The following RANGAP1 variants were observed in gnomAD, a reference collection of about 807,000 sequenced individuals.
RANGAP1 encodes the protein Ran GTPase activating protein 1, also known as ran GTPase-activating protein 1.
In RANGAP1, 38 loss-of-function variants were observed where a neutral mutation model predicts 63.5. That is an observed-to-expected ratio of 0.60 (90% CI 0.46 to 0.78). The LOEUF is 0.78. Among genes scored for constraint, RANGAP1 ranks in the 30% least tolerant of loss-of-function variants. The pLI is 0.00. For synonymous variants in RANGAP1, 329 were observed against 310.5 expected (o/e 1.06, Z -0.63); for missense variants, 630 against 740.3 (o/e 0.85, Z 1.73).
Position 41,281,052 on chromosome 22 carries a change from A to G in RANGAP1, c.-8T>C, listed in dbSNP as rs933933418. The G allele has an allele frequency of 6.3e-7, 1 of 1,587,014 alleles. No homozygotes were observed. Among genetic ancestry groups the G allele is most frequent in the African/African-American group, 1.3e-5 (1 of 74,360 alleles). Reference sequence around the variant, plus strand: ...AATGTCTTCCGAGGCCATGTTGACTAGGCTGGTGGGCTCCCCTGGAGATCT... The same window carrying G: ...AATGTCTTCCGAGGCCATGTTGACTGGGCTGGTGGGCTCCCCTGGAGATCT... On this transcript the variant is annotated 5_prime_UTR_variant, in exon 2 of 16. Coordinates refer to ENST00000356244, the MANE Select transcript of RANGAP1 (RefSeq NM_002883.4).
rs1224947788 is a variant in RANGAP1, at chr22:41,258,002, G to C, written c.720C>G (p.Val240=). The change falls in exon 7 of 16, where the codon GTC becomes GTG. Residue 240 remains valine, a synonymous_variant. Coordinates refer to ENST00000356244, the MANE Select transcript of RANGAP1 (RefSeq NM_002883.4). Reference sequence around the variant, plus strand: ...TGAAGGTGTTGTCATTCAGGTTGATGACCCGCAGCAGGGGGTTGACAGCGA... The same window carrying C: ...TGAAGGTGTTGTCATTCAGGTTGATCACCCGCAGCAGGGGGTTGACAGCGA... ...QAFAVNPLLR[V]INLNDNTFTE... The C allele has an allele frequency of 3.7e-6, 6 of 1,613,234 alleles. No homozygotes were observed. Among genetic ancestry groups the C allele is most frequent in the Non-Finnish European group, 5.1e-6 (6 of 1,179,546 alleles).
chr22:41,293,834 C>A, the RANGAP1 span, among the ~76,000 whole-genome samples: 5 of 149,976 alleles, frequency 3.3e-5, no homozygotes, highest in Non-Finnish European at 7.4e-5. Context: ...TCCTTTTTCT[C>A]TTTTGGTGGA....
intron 2 of RANGAP1, among the ~76,000 whole-genome samples, chr22:41,278,519 T>C (rs2035292392): frequency 6.6e-6 from 1 of 152,242 alleles, no homozygotes; most frequent in South Asian, 2.1e-4. Context: ...TCTGACACGG[T>C]GTTCAATAAA....
At chr22:41,264,410 C>G (rs951950231) in intron 5 of RANGAP1, among the ~76,000 whole-genome samples, 2 of 152,256 alleles carry the variant, frequency 1.3e-5, no homozygotes, top group Non-Finnish European at 2.9e-5. Context: ...GCAGAGCCAG[C>G]AGGCTGGAGC....
chr22:41,292,555 T>C, the RANGAP1 span, among the ~76,000 whole-genome samples: 1 of 151,590 alleles, frequency 6.6e-6, no homozygotes, highest in African/African-American at 2.4e-5. Context: ...GCTCAGGATT[T>C]TGAGACCCGC....
chr22:41,258,590 G>A (rs1040565806), intron 6 of RANGAP1, among the ~76,000 whole-genome samples: 3 of 152,194 alleles, frequency 2.0e-5, no homozygotes, highest in Admixed American at 1.3e-4. Context: ...GGCCCATGCA[G>A]CCCTATCACA....
the RANGAP1 span, among the ~76,000 whole-genome samples, chr22:41,299,997 C>T: frequency 1.3e-5 from 2 of 151,654 alleles, no homozygotes; most frequent in Non-Finnish European, 2.9e-5. Flanking sequence ...ATGATCCGCC[C>T]GCCTCAACCT....
At chr22:41,277,584 C>A in intron 2 of RANGAP1, 1 of 1,017,212 alleles carries the variant, frequency 9.8e-7, no homozygotes. Flanking sequence ...ACCTTCTGGT[C>A]AAGAAGGGTC....
the RANGAP1 span, among the ~76,000 whole-genome samples, chr22:41,297,811 C>CTCCAGAG: frequency 6.6e-6 from 1 of 151,622 alleles, no homozygotes; most frequent in African/African-American, 2.4e-5. Flanking sequence ...CTGGTTCAGC[C>CTCCAGAG]TCCAGAGCAG....
At chr22:41,280,273 C>A (rs930598648) in intron 2 of RANGAP1, among the ~76,000 whole-genome samples, 5 of 152,168 alleles carry the variant, frequency 3.3e-5, no homozygotes, top group Non-Finnish European at 7.4e-5. Context: ...AGACCAGTTC[C>A]CCTGGTTGGG....
chr22:41,249,212 G>C, intron 15 of RANGAP1, 118 bp downstream of exon 15: 1 of 1,380,636 alleles, frequency 7.2e-7, no homozygotes, highest in Non-Finnish European at 9.6e-7. Flanking sequence ...TCATGCACCT[G>C]AGTGGGGCCA....
At chr22:41,264,529 T>A (rs1259973130) in intron 5 of RANGAP1, 135 bp downstream of exon 5, 1 of 1,153,236 alleles carries the variant, frequency 8.7e-7, no homozygotes, top group East Asian at 2.7e-5. Context: ...CCACAGGCTG[T>A]TGCCTTTGAG....
intron 2 of RANGAP1, among the ~76,000 whole-genome samples, chr22:41,278,042 T>G (rs912169911): frequency 2.0e-5 from 3 of 149,288 alleles, no homozygotes; most frequent in East Asian, 1.9e-4. Flanking sequence ...ACTTGAGTTT[T>G]TTTTTTTTTT....
At position 41,246,384 on chromosome 22, in the gene RANGAP1, CAGA is replaced by C. The variant is rs780074492; in HGVS notation, c.*216_*218del. The C allele has an allele frequency of 2.3e-5, 12 of 513,480 alleles. No individual in the cohort carries two copies. The highest frequency in any genetic ancestry group is 4.2e-5 in the Non-Finnish European group (12 of 284,462). The allele number at this position is 513,480 out of a possible 1,614,324, so 31.8% of individuals were successfully genotyped here. On this transcript the variant is annotated 3_prime_UTR_variant, in exon 16 of 16. Transcript: ENST00000356244. ...CCACAACAGAGCAGGGCTGGGCCAG[CAGA>C]AGACGTTAAAACCCAAATCCCGACA...
the RANGAP1 span, among the ~76,000 whole-genome samples, chr22:41,291,596 TAAAAAAAAA>T: frequency 9.4e-6 from 1 of 106,066 alleles, no homozygotes; most frequent in South Asian, 3.3e-4. Flanking sequence ...AGATCCATCT[TAAAAAAAAA>T]AAAAAAAAAT....
chr22:41,258,164 G>C, intron 6 of RANGAP1, 58 bp from the exon 7 acceptor site: 1 of 1,534,076 alleles, frequency 6.5e-7, no homozygotes, highest in Non-Finnish European at 8.8e-7. Context: ...CATCCAGCAG[G>C]CAGGAGAGCA....
At chr22:41,273,753 T>G (rs2034969091) in intron 3 of RANGAP1, among the ~76,000 whole-genome samples, 2 of 79,386 alleles carry the variant, frequency 2.5e-5, no homozygotes, top group African/African-American at 4.8e-5. Flanking sequence ...GGTGACAGTG[T>G]GAGACTCCAT....
the RANGAP1 span, among the ~76,000 whole-genome samples, chr22:41,297,179 T>C: frequency 1.3e-5 from 2 of 152,128 alleles, no homozygotes; most frequent in Non-Finnish European, 2.9e-5. Context: ...ACCACTACAC[T>C]CCTGCCTGGA....
upstream of RANGAP1, among the ~76,000 whole-genome samples, chr22:41,289,616 T>C (rs1354971991): frequency 6.6e-6 from 1 of 151,694 alleles, no homozygotes; most frequent in African/African-American, 2.4e-5. Flanking sequence ...AGAGCAAAAT[T>C]CTGCCTCAAA....
Sources: allele counts gnomAD v4.1 joint callset (sites outside exome capture counted in the v4.1 genomes callset), GRCh38; gene constraint gnomAD v4.1.1; transcripts MANE v1.5; gene names NCBI Gene and HGNC (gene_info 2026-07-23, HGNC 2026-07-21).